Variants in SPIRE1 observed in about 807,000 individuals in gnomAD.
SPIRE1 encodes spire type actin nucleation factor 1.
SPIRE1 carries 40 observed loss-of-function variants against 94.1 expected under a neutral mutation model. The observed-to-expected ratio is 0.43, with a 90% CI of 0.33 to 0.55. SPIRE1 has a LOEUF of 0.55. Among genes scored for constraint, SPIRE1 ranks in the 20% least tolerant of loss-of-function variants. The pLI is 0.06. For synonymous variants in SPIRE1, 376 were observed against 371.7 expected (o/e 1.01, Z -0.13); for missense variants, 838 against 975.2 (o/e 0.86, Z 1.87).
At chr18:12,644,195 T>C (rs1330894861) in intron 1 of SPIRE1, among the ~76,000 whole-genome samples, 2 of 88,414 alleles carry the variant, frequency 2.3e-5, no homozygotes, top group Non-Finnish European at 5.3e-5. Context: ...GGAAACTCCA[T>C]CTCAAAAAAA....
intron 2 of SPIRE1, among the ~76,000 whole-genome samples, chr18:12,619,251 C>T (rs1019735247): frequency 4.6e-5 from 7 of 152,190 alleles, no homozygotes; most frequent in Admixed American, 4.6e-4. Flanking sequence ...GTGGCTCACG[C>T]CTGTAATCTC....
intron 2 of SPIRE1, among the ~76,000 whole-genome samples, chr18:12,624,295 C>T (rs545139069): frequency 6.6e-6 from 1 of 151,602 alleles, no homozygotes; most frequent in East Asian, 2.0e-4. Flanking sequence ...GTAATCCCAG[C>T]ACTTTGGGAG....
chr18:12,516,131 A>G (rs2144060463), intron 4 of SPIRE1: 1 of 152,322 alleles, frequency 6.6e-6, no homozygotes, highest in East Asian at 1.9e-4. Context: ...TAGACGAGCA[A>G]GTCTTCAGTG....
In SPIRE1 at chr18:12,504,304, C is replaced by T. The variant is rs572529885; in HGVS notation, c.972+2173G>A. 4.2e-3 allele frequency among the ~76,000 whole-genome samples: 613 copies of T among 145,940 alleles called. 75 individuals are homozygous for T. The highest frequency in any genetic ancestry group is 0.015 in the African/African-American group (586 of 38,766). ...GGCAGATCACCTAAGGTCAGGAGTT[C>T]GAGACCAGCCTGGGCAACATGGTGA... is the stretch of plus-strand genomic sequence containing the variant. On this transcript the variant is annotated intron_variant, in intron 6 of 16. Coordinates refer to ENST00000409402, the MANE Select transcript of SPIRE1 (RefSeq NM_001128626.2).
chr18:12,566,276 C>T (rs58095457), intron 2 of SPIRE1, among the ~76,000 whole-genome samples: 3 of 152,086 alleles, frequency 2.0e-5, no homozygotes, highest in African/African-American at 4.8e-5. Flanking sequence ...GTGGAGGTTG[C>T]GGTAAGCCGA....
At chr18:12,617,553 G>C (rs573137888) in intron 2 of SPIRE1, among the ~76,000 whole-genome samples, 2 of 152,094 alleles carry the variant, frequency 1.3e-5, no homozygotes, top group African/African-American at 4.8e-5. Context: ...TGGGATTATA[G>C]GCGCCTGCCA....
At chr18:12,574,702 C>T (rs1465737873) in intron 2 of SPIRE1, among the ~76,000 whole-genome samples, 3 of 152,126 alleles carry the variant, frequency 2.0e-5, no homozygotes, top group Non-Finnish European at 4.4e-5. Flanking sequence ...GTGTATGAGA[C>T]AGCCTAAGGA....
chr18:12,511,080 T>G (rs2034021205), intron 5 of SPIRE1, among the ~76,000 whole-genome samples: 1 of 152,226 alleles, frequency 6.6e-6, no homozygotes, highest in African/African-American at 2.4e-5. Flanking sequence ...TATTGTTTAT[T>G]CTGCATTCCC....
rs1244067208 is a variant in SPIRE1 at position 12,626,441 on chromosome 18, A to T, written c.372+8621T>A. ...TACTTTACAAGTTCCTACAGTACAGACCCTGTCCTCATCTAAGAGGTTGAA... is the reference window on the plus strand; with the variant it reads ...TACTTTACAAGTTCCTACAGTACAGTCCCTGTCCTCATCTAAGAGGTTGAA... On this transcript the variant is annotated intron_variant, in intron 2 of 16. Coordinates refer to ENST00000409402, the MANE Select transcript of SPIRE1 (RefSeq NM_001128626.2). Among the ~76,000 whole-genome samples the T allele has an allele frequency of 7.2e-5, 11 of 152,200 alleles. No individual in the cohort carries two copies. In the South Asian group the frequency reaches 1.9e-3, roughly 26 times the overall value.
intron 12 of SPIRE1, among the ~76,000 whole-genome samples, chr18:12,456,705 C>G (rs527767536): frequency 1.3e-5 from 2 of 152,284 alleles, no homozygotes; most frequent in East Asian, 3.9e-4. Context: ...TAGGGATACG[C>G]TAGCATGGCA....
At chr18:12,514,509 C>G (rs1187923027) in intron 4 of SPIRE1, among the ~76,000 whole-genome samples, 1 of 152,002 alleles carries the variant, frequency 6.6e-6, no homozygotes, top group Non-Finnish European at 1.5e-5. Context: ...CCAGAATAGC[C>G]TTGCATAGAA....
intron 2 of SPIRE1, among the ~76,000 whole-genome samples, chr18:12,622,031 G>A (rs775628743): frequency 9.9e-5 from 15 of 152,092 alleles, no homozygotes; most frequent in Non-Finnish European, 2.1e-4. Context: ...AACTGCAGAA[G>A]CTCAATTAGC....
intron 5 of SPIRE1, among the ~76,000 whole-genome samples, chr18:12,509,166 G>C (rs2144008797): frequency 1.3e-5 from 2 of 152,322 alleles, no homozygotes; most frequent in South Asian, 4.1e-4. Context: ...TGCTAGTAAA[G>C]ACATTCTAAT....
intron 2 of SPIRE1, among the ~76,000 whole-genome samples, chr18:12,579,824 T>C (rs2036209152): frequency 6.6e-6 from 1 of 152,204 alleles, no homozygotes; most frequent in Non-Finnish European, 1.5e-5. Flanking sequence ...GAAATACCAC[T>C]GTACTTCACT....
chr18:12,646,456 G>A (rs1038808927), intron 1 of SPIRE1, among the ~76,000 whole-genome samples: 1 of 152,080 alleles, frequency 6.6e-6, no homozygotes, highest in African/African-American at 2.4e-5. Flanking sequence ...GCACTTAGAA[G>A]GCACTCAAAT....
chr18:12,535,890 G>A (rs973215604), intron 3 of SPIRE1, among the ~76,000 whole-genome samples: 1 of 152,124 alleles, frequency 6.6e-6, no homozygotes, highest in Non-Finnish European at 1.5e-5. Context: ...GGGAGGCGGA[G>A]GTTGCAGTGA....
rs752024422 is a variant in SPIRE1 at position 12,639,757 on chromosome 18, A to AT, written c.338-4662dup. ...AAAATAAATAAATAAATAAATAAAA[A>AT]TAAAAAAAAGAAAGGCTGAGGTGGG... On this transcript the variant is annotated intron_variant, in intron 1 of 16. Transcript: ENST00000409402. 2.6e-5 allele frequency among the ~76,000 whole-genome samples: 4 copies of AT among 151,684 alleles called. No individual in the cohort carries two copies. The East Asian group carries it at 5.8e-4, about 22-fold the overall frequency.
intron 6 of SPIRE1, among the ~76,000 whole-genome samples, chr18:12,496,654 G>C (rs1477253967): frequency 6.6e-6 from 1 of 152,316 alleles, no homozygotes. Flanking sequence ...CTGATCACAA[G>C]GTCAGGAGAT....
intron 2 of SPIRE1, among the ~76,000 whole-genome samples, chr18:12,568,115 T>C (rs754668201): frequency 1.2e-4 from 18 of 152,226 alleles, no homozygotes; most frequent in Non-Finnish European, 2.5e-4. Context: ...ATGGCATACG[T>C]AGACGTAGAA....
Sources: allele counts gnomAD v4.1 joint callset (sites outside exome capture counted in the v4.1 genomes callset), GRCh38; gene constraint gnomAD v4.1.1; transcripts MANE v1.5; gene names NCBI Gene and HGNC (gene_info 2026-07-23, HGNC 2026-07-21).